The following ABTB2 variants were observed in gnomAD, a reference collection of about 807,000 sequenced individuals.
The protein encoded by ABTB2 is ankyrin repeat and BTB domain containing 2.
Under a neutral mutation model 104.1 loss-of-function variants are expected in ABTB2, and 56 were observed. The observed-to-expected ratio is 0.54, with a 90% CI of 0.43 to 0.67. ABTB2 has a LOEUF of 0.67. ABTB2 is among the 30% of genes least tolerant of loss of function. The pLI, the probability that ABTB2 is intolerant of heterozygous loss-of-function variation, is 0.00. For missense variants in ABTB2, 1,279 were observed against 1,407.7 expected (o/e 0.91, Z 1.46); for synonymous variants, 606 against 608.2 (o/e 1.00, Z 0.05).
chr11:34,298,270 C>T (rs1854650949), intron 1 of ABTB2, among the ~76,000 whole-genome samples: 1 of 151,970 alleles, frequency 6.6e-6, no homozygotes, highest in Non-Finnish European at 1.5e-5. Context: ...AATACATATC[C>T]ACATTTCATT....
At position 34,174,345 on chromosome 11, in the gene ABTB2, A is replaced by C. The variant is rs1375993283; in HGVS notation, c.1245-1038T>G. On this transcript the variant is annotated intron_variant, in intron 3 of 16. Transcript: ENST00000435224. ...GTCTCAAAAAAAAAAAAAAAAAAAA[A>C]AAAAAGAAAGAAAAAGAGTAGCGGC... 2.0e-4 allele frequency among the ~76,000 whole-genome samples: 31 copies of C among 151,354 alleles called. 2 individuals carry two copies. In the South Asian group the frequency reaches 6.2e-3, roughly 31 times the overall value.
chr11:34,297,219 G>A (rs1228827342), intron 1 of ABTB2, among the ~76,000 whole-genome samples: 1 of 152,070 alleles, frequency 6.6e-6, no homozygotes, highest in Non-Finnish European at 1.5e-5. Context: ...TGAATGATTT[G>A]CTTTTCCTTA....
chr11:34,230,479 G>A (rs1853754235), intron 1 of ABTB2, among the ~76,000 whole-genome samples: 1 of 152,188 alleles, frequency 6.6e-6, no homozygotes, highest in African/African-American at 2.4e-5. Context: ...ACCTAGGGCA[G>A]TGCCTGGAAC....
chr11:34,172,418 A>ATGTGTG lies in ABTB2; in HGVS notation c.1397+731_1397+736dup, dbSNP rs1554980673. Among the ~76,000 whole-genome samples the ATGTGTG allele has an allele frequency of 1.8e-3, 149 of 84,214 alleles. 9 individuals carry two copies. The highest frequency in any genetic ancestry group is 0.016 in the South Asian group (41 of 2,616). The allele number at this position is 84,214 out of a possible 152,430, so 55.2% of individuals were successfully genotyped here. A position where few individuals can be genotyped will look rare whatever the true frequency, so the allele number is the denominator to read the frequency against. ...AAAATATATATATATATATATATATATGTGTGTGTGTGTGTGTATATAGAT... is the reference window on the plus strand; with the variant it reads ...AAAATATATATATATATATATATATATGTGTGTGTGTGTGTGTGTGTGTATATAGAT... On this transcript the variant is annotated intron_variant, in intron 4 of 16. Transcript: ENST00000435224.
chr11:34,172,031 G>A (rs2955934), intron 4 of ABTB2, among the ~76,000 whole-genome samples: 83,646 of 151,654 alleles, frequency 0.55, 23,970 homozygotes, highest in African/African-American at 0.64. Flanking sequence ...TGGGCCTTCC[G>A]TATGAAGACA....
intron 1 of ABTB2, among the ~76,000 whole-genome samples, chr11:34,302,067 A>G (rs1326630243): frequency 1.3e-5 from 2 of 152,198 alleles, no homozygotes; most frequent in Non-Finnish European, 2.9e-5. Context: ...GAAGATAAAA[A>G]TCACGTGTGT....
In ABTB2 at chr11:34,152,377, G is replaced by GC. The variant is rs759655917; in HGVS notation, c.*9dup. 2.6e-6 allele frequency: 4 copies of GC among 1,553,016 alleles called. No individual in the cohort carries two copies. Among genetic ancestry groups the GC allele is most frequent in the Non-Finnish European group, 2.6e-6 (3 of 1,149,444 alleles). ...ACAGGCCCTGGCCTCGGCAGCCTCCGCCCCCTGCCTCACACCCGGGAGGTG... is the reference window on the plus strand; with the variant it reads ...ACAGGCCCTGGCCTCGGCAGCCTCCGCCCCCCTGCCTCACACCCGGGAGGTG... On this transcript the variant is annotated 3_prime_UTR_variant, in exon 17 of 17. Coordinates refer to ENST00000435224, the MANE Select transcript of ABTB2 (RefSeq NM_145804.3).
chr11:34,156,714 C>T (rs192358076), intron 14 of ABTB2, among the ~76,000 whole-genome samples: 135 of 152,016 alleles, frequency 8.9e-4, no homozygotes, highest in South Asian at 1.9e-3. Context: ...AGTAGAGATA[C>T]GGTTTCTACA....
At chr11:34,285,704 G>A (rs980991715) in intron 1 of ABTB2, among the ~76,000 whole-genome samples, 3 of 152,142 alleles carry the variant, frequency 2.0e-5, no homozygotes, top group Non-Finnish European at 2.9e-5. Flanking sequence ...GCTGGGTAGC[G>A]CTCTCCAACC....
In ABTB2 at chr11:34,254,860, C is replaced by T. The variant is rs144412133; in HGVS notation, c.884-50170G>A. ...CTAATTTTTGTATTTTTAATAGAGACAGTGTTTCCACCATGTTGGCCAGGC... is the reference window on the plus strand; with the variant it reads ...CTAATTTTTGTATTTTTAATAGAGATAGTGTTTCCACCATGTTGGCCAGGC... On this transcript the variant is annotated intron_variant, in intron 1 of 16. Transcript: ENST00000435224. Among the ~76,000 whole-genome samples the T allele has an allele frequency of 6.0e-3, 915 of 152,008 alleles. 10 individuals are homozygous for T. Among genetic ancestry groups the T allele is most frequent in the African/African-American group, 0.021 (853 of 41,446 alleles).
chr11:34,161,094 G>GGGAA lies in ABTB2; in HGVS notation c.2219-17_2219-14dup, dbSNP rs1264959774. On this transcript the variant is annotated splice_polypyrimidine_tract_variant and intron_variant, in intron 10 of 16. Coordinates refer to ENST00000435224, the MANE Select transcript of ABTB2 (RefSeq NM_145804.3). ...TTCCAGGGGACTCCTGGTCCAGGCA[G>GGGAA]GGAAGGGCAGGCAGTCACGCACCAC... 1 of 1,595,482 alleles carries GGGAA rather than the reference G, an allele frequency of 6.3e-7. No homozygotes were observed. Among genetic ancestry groups the GGGAA allele is most frequent in the East Asian group, 2.3e-5 (1 of 44,308 alleles).
intron 1 of ABTB2, among the ~76,000 whole-genome samples, chr11:34,283,845 A>G (rs536364535): frequency 6.6e-6 from 1 of 152,212 alleles, no homozygotes; most frequent in Non-Finnish European, 1.5e-5. Flanking sequence ...CAGGCTTCCA[A>G]CTGGCTTTCT....
chr11:34,339,186 C>T (rs1200452409), intron 1 of ABTB2, among the ~76,000 whole-genome samples: 1 of 152,202 alleles, frequency 6.6e-6, no homozygotes, highest in Non-Finnish European at 1.5e-5. Context: ...GATCCTCCCA[C>T]CTAGGCCTCC....
chr11:34,314,026 A>G (rs1265450095), intron 1 of ABTB2, among the ~76,000 whole-genome samples: 3 of 152,158 alleles, frequency 2.0e-5, no homozygotes, highest in Admixed American at 2.0e-4. Flanking sequence ...GAATGGATAA[A>G]CATGCTCTGG....
intron 14 of ABTB2, among the ~76,000 whole-genome samples, chr11:34,155,152 C>T (rs1852605157): frequency 6.6e-6 from 1 of 152,252 alleles, no homozygotes; most frequent in South Asian, 2.1e-4. Context: ...GCTCTCGCAT[C>T]ATGCCTGGCC....
chr11:34,153,381 G>A (rs1053565726), intron 16 of ABTB2, among the ~76,000 whole-genome samples: 1 of 152,010 alleles, frequency 6.6e-6, no homozygotes, highest in Non-Finnish European at 1.5e-5. Flanking sequence ...TTTGGGGGGC[G>A]GGGGTTGTGT....
At chr11:34,254,519 A>G (rs1854096310) in intron 1 of ABTB2, among the ~76,000 whole-genome samples, 1 of 151,928 alleles carries the variant, frequency 6.6e-6, no homozygotes, top group Non-Finnish European at 1.5e-5. Flanking sequence ...TCCCAAAGTA[A>G]TGGGATTTGA....
At chr11:34,176,194 C>T (rs1334385440) in intron 3 of ABTB2, among the ~76,000 whole-genome samples, 5 of 145,612 alleles carry the variant, frequency 3.4e-5, no homozygotes, top group African/African-American at 7.5e-5. Context: ...GCATAAGTAT[C>T]GCTTAAACCT....
intron 1 of ABTB2, among the ~76,000 whole-genome samples, chr11:34,277,825 A>C (rs1854402629): frequency 1.7e-5 from 2 of 117,618 alleles, no homozygotes; most frequent in Admixed American, 1.9e-4. Context: ...TTTTTTTGAG[A>C]TGGAGTCGTG....
Sources: gnomAD v4.1 joint callset for allele counts (sites outside exome capture counted in the v4.1 genomes callset) on GRCh38, gnomAD v4.1.1 for gene constraint, MANE v1.5 for transcripts, NCBI Gene and HGNC (gene_info 2026-07-23, HGNC 2026-07-21) for gene names.